The following AHRR variants were observed in gnomAD, a reference collection of about 807,000 sequenced individuals.
AHRR encodes the protein ahR repressor.
A neutral mutation model predicts 44.0 loss-of-function variants in AHRR; 28 were observed. The observed-to-expected ratio is 0.64, with a 90% CI of 0.47 to 0.87. The LOEUF is 0.87. AHRR is among the 40% of genes least tolerant of loss of function. The pLI, the probability that AHRR is intolerant of heterozygous loss-of-function variation, is 0.00. For synonymous variants in AHRR, 434 were observed against 407.0 expected (o/e 1.07, Z -0.80); for missense variants, 990 against 953.9 (o/e 1.04, Z -0.50).
chr5:340,605 T>G (rs1211256995), intron 1 of AHRR, among the ~76,000 whole-genome samples: 1 of 142,496 alleles, frequency 7.0e-6, no homozygotes, highest in Non-Finnish European at 1.5e-5. Flanking sequence ...TACAGTCACA[T>G]GGAGAGTTAG....
At chr5:351,092 A>T (rs1338666869) in intron 2 of AHRR, among the ~76,000 whole-genome samples, 2 of 152,230 alleles carry the variant, frequency 1.3e-5, no homozygotes, top group African/African-American at 4.8e-5. Context: ...TAATCAAAAA[A>T]ACAGAAAATA....
chr5:406,742 C>A lies in AHRR; in HGVS notation c.352-6602C>A, dbSNP rs1209760578. ...CAGATAAAATAATAGCAATTAACTT[C>A]CATCTGTGTTATAAAAGCATGGGCC... On this transcript the variant is annotated intron_variant, in intron 4 of 10. Coordinates refer to ENST00000684583, the MANE Select transcript of AHRR (RefSeq NM_001377236.1). This position sits in a 1 kb window ranked among gnomAD's most constrained non-coding sequence, Gnocchi z 4.7. Among the ~76,000 whole-genome samples the A allele has an allele frequency of 6.6e-6, 1 of 152,182 alleles. No homozygotes were observed. Among genetic ancestry groups the A allele is most frequent in the Non-Finnish European group, 1.5e-5 (1 of 68,030 alleles).
intron 2 of AHRR, among the ~76,000 whole-genome samples, chr5:348,823 T>C (rs2126383128): frequency 1.3e-5 from 2 of 152,368 alleles, no homozygotes; most frequent in Middle Eastern, 3.4e-3. Context: ...TACAAGTCTG[T>C]AGGTTTTTAT....
chr5:364,485 T>C (rs939677805), intron 3 of AHRR, among the ~76,000 whole-genome samples: 3 of 152,184 alleles, frequency 2.0e-5, no homozygotes, highest in African/African-American at 7.2e-5. Flanking sequence ...CTTTGGAGGA[T>C]GGTTATCTAA....
chr5:345,070 ATG>A (rs150724632), intron 2 of AHRR, among the ~76,000 whole-genome samples: 331 of 10,108 alleles, frequency 0.033, 48 homozygotes, highest in Middle Eastern at 0.071. Context: ...GTGTGTGGGG[ATG>A]TGTGTGTGTG....
At chr5:412,703 TTC>T (rs200015851) in intron 4 of AHRR, among the ~76,000 whole-genome samples, 11,636 of 143,882 alleles carry the variant, frequency 0.081, 718 homozygotes, top group Non-Finnish European at 0.12. Flanking sequence ...TTCAACATTT[TTC>T]TCTCTCTCTC....
intron 3 of AHRR, among the ~76,000 whole-genome samples, chr5:355,087 T>C (rs1195545807): frequency 1.3e-5 from 2 of 152,270 alleles, no homozygotes; most frequent in Non-Finnish European, 2.9e-5. Flanking sequence ...CCAGGTTTTC[T>C]AATTTTATGT....
At chr5:429,491 T>TGCCCCCTGGCCCTCA (rs1553989293) in intron 8 of AHRR, among the ~76,000 whole-genome samples, 1 of 152,158 alleles carries the variant, frequency 6.6e-6, no homozygotes, top group Admixed American at 6.5e-5. Flanking sequence ...GCCCTGCCCC[T>TGCCCCCTGGCCCTCA]GCCCCCTGGC....
At chr5:348,333 CT>C (rs34078521) in intron 2 of AHRR, among the ~76,000 whole-genome samples, 1,779 of 141,650 alleles carry the variant, frequency 0.013, 7 homozygotes, top group Non-Finnish European at 0.015. Context: ...TCCCCCCCTC[CT>C]TTTTTTTTTT....
rs1444434490 is a variant in AHRR at position 432,862 on chromosome 5, C to T, written c.1027C>T (p.Arg343Ter). ...LVLREQTDAG[R>*]WAQVPARAPC... ...GCTCAGGGAACAGACTGACGCTGGC[C>T]GATGGGCACAGGTTCCCGCCAGGGC... Residue 343 changes from arginine (R) to a stop codon, truncating the protein, a stop_gained, in exon 10 of 11, where the codon CGA (arginine) becomes TGA (stop). Coordinates refer to ENST00000684583, the MANE Select transcript of AHRR (RefSeq NM_001377236.1). LOFTEE classifies it high-confidence loss of function. 6.2e-6 allele frequency: 10 copies of T among 1,613,802 alleles called. No individual in the cohort carries two copies. Among genetic ancestry groups the T allele is most frequent in the East Asian group, 2.2e-5 (1 of 44,874 alleles).
chr5:410,386 GT>G (rs1023624367), intron 4 of AHRR, among the ~76,000 whole-genome samples: 4 of 152,040 alleles, frequency 2.6e-5, no homozygotes, highest in African/African-American at 7.2e-5. Context: ...TTGTTTGCTT[GT>G]TTTTTGTAGA....
Position 426,953 on chromosome 5 carries a change from A to G in AHRR, c.709-854A>G, listed in dbSNP as rs947917221. On this transcript the variant is annotated intron_variant, in intron 7 of 10. Transcript: ENST00000684583. ...GAAACATGGCTGGATGGATGGGAAG[A>G]TGATGGATGGAAACATGGATGGATG... 1.4e-4 allele frequency among the ~76,000 whole-genome samples: 19 copies of G among 137,554 alleles called. No individual in the cohort carries two copies. The Admixed American group carries it at 1.4e-3, about 10-fold the overall frequency. The allele number at this position is 137,554 out of a possible 152,430, so 90.2% of individuals were successfully genotyped here.
At chr5:415,847 A>G (rs1355506055) in intron 5 of AHRR, among the ~76,000 whole-genome samples, 2 of 152,168 alleles carry the variant, frequency 1.3e-5, no homozygotes, top group Non-Finnish European at 2.9e-5. Flanking sequence ...GTTTTATCCA[A>G]TTTCCATAAG....
intron 5 of AHRR, among the ~76,000 whole-genome samples, chr5:415,760 C>G (rs116599494): frequency 2.0e-5 from 3 of 151,814 alleles, no homozygotes; most frequent in Admixed American, 6.6e-5. Flanking sequence ...GTGGAAGCCA[C>G]GAACCACCCC....
chr5:369,457 C>G (rs1022578303), intron 3 of AHRR, among the ~76,000 whole-genome samples: 1 of 152,248 alleles, frequency 6.6e-6, no homozygotes, highest in African/African-American at 2.4e-5. Flanking sequence ...ATGCTCCTTG[C>G]AGATGAACAG....
Position 404,111 on chromosome 5 carries a change from G to C in AHRR, c.352-9233G>C. On this transcript the variant is annotated intron_variant, in intron 4 of 10. Transcript: ENST00000684583. The surrounding 1 kb of genome is among the most constrained non-coding windows in gnomAD (Gnocchi z 4.1). The stretch of plus-strand genomic sequence containing the variant: ...AGTTCCGTTGTCAGGGTTGGTCCAG[G>C]TTTGGGGTTACCCTTCTCCGTCTCT... The C allele has an allele frequency of 1.7e-6, 1 of 582,584 alleles. No individual in the cohort carries two copies. The highest frequency in any genetic ancestry group is 3.3e-6 in the Non-Finnish European group (1 of 306,276). 36.1% of individuals were successfully genotyped at this position (582,584 alleles called of 1,614,324 possible). A position where few individuals can be genotyped will look rare whatever the true frequency, so the allele number is the denominator to read the frequency against.
At chr5:431,881 C>T (rs72717419) in intron 8 of AHRR, 21,369 of 153,926 alleles carry the variant, frequency 0.14, 1,939 homozygotes, top group Non-Finnish European at 0.19. Context: ...AGGGCAGCAC[C>T]GGAGCTGTGG....
At chr5:375,396 G>A (rs978148059) in intron 3 of AHRR, among the ~76,000 whole-genome samples, 1 of 152,182 alleles carries the variant, frequency 6.6e-6, no homozygotes, top group Non-Finnish European at 1.5e-5. Flanking sequence ...GGCCCAGTGG[G>A]GAGTGAGGGT....
At chr5:408,909 A>G (rs1735371811) in intron 4 of AHRR, among the ~76,000 whole-genome samples, 1 of 152,158 alleles carries the variant, frequency 6.6e-6, no homozygotes, top group South Asian at 2.1e-4. Context: ...ATTTTTATAA[A>G]TTACATTTTC....
Sources: allele counts gnomAD v4.1 joint callset (sites outside exome capture counted in the v4.1 genomes callset), GRCh38; gene constraint gnomAD v4.1.1; non-coding constraint Gnocchi (gnomAD v3.1); transcripts MANE v1.5; gene names NCBI Gene and HGNC (gene_info 2026-07-23, HGNC 2026-07-21).